The following CHSY3 variants were observed in gnomAD, a reference collection of about 807,000 sequenced individuals.
CHSY3 encodes chondroitin sulfate synthase 3, also known as N-acetylgalactosaminyl-proteoglycan 3-beta-glucuronosyltransferase 3.
Under a neutral mutation model 67.2 loss-of-function variants are expected in CHSY3, and 35 were observed. The ratio of observed to expected loss-of-function variants is 0.52; its 90% CI spans 0.40 to 0.69. The LOEUF is 0.69. Among genes scored for constraint, CHSY3 ranks in the 30% least tolerant of loss-of-function variants. CHSY3 has a pLI of 0.00. For missense variants in CHSY3, 1,069 were observed against 1,138.5 expected, an observed-to-expected ratio of 0.94 and a Z score of 0.88; for synonymous variants, 474 against 434.7, an observed-to-expected ratio of 1.09 and a Z score of -1.12.
intron 2 of CHSY3, among the ~76,000 whole-genome samples, chr5:130,069,507 A>T (rs1464913728): frequency 1.3e-5 from 2 of 151,942 alleles, no homozygotes; most frequent in African/African-American, 2.4e-5. Context: ...ATATATTTTT[A>T]AAATAAATAA....
chr5:130,154,911 G>A (rs1769328476), intron 2 of CHSY3, among the ~76,000 whole-genome samples: 1 of 152,154 alleles, frequency 6.6e-6, no homozygotes, highest in Non-Finnish European at 1.5e-5. Context: ...AGATCACCTG[G>A]GGATTTTGTT....
At chr5:130,001,444 C>A in intron 2 of CHSY3, 1 of 863,322 alleles carries the variant, frequency 1.2e-6, no homozygotes, top group Non-Finnish European at 1.4e-6. Context: ...GAAGGTATCA[C>A]CATGGACACA....
intron 2 of CHSY3, among the ~76,000 whole-genome samples, chr5:130,100,006 G>A (rs1447235671): frequency 6.6e-6 from 1 of 151,956 alleles, no homozygotes; most frequent in Non-Finnish European, 1.5e-5. Context: ...AAAAAAAATA[G>A]AGGAAGTTTT....
intron 2 of CHSY3, among the ~76,000 whole-genome samples, chr5:130,083,580 T>C (rs1313657880): frequency 6.6e-6 from 1 of 152,084 alleles, no homozygotes; most frequent in Non-Finnish European, 1.5e-5. Context: ...ACATCCAATT[T>C]ATCTGACATT....
intron 2 of CHSY3, among the ~76,000 whole-genome samples, chr5:129,934,592 G>C (rs1330005021): frequency 6.6e-6 from 1 of 152,136 alleles, no homozygotes; most frequent in African/African-American, 2.4e-5. Flanking sequence ...AGTAAGTCTG[G>C]ATTTGAAAAG....
At chr5:130,055,588 T>C (rs1765504326) in intron 2 of CHSY3, among the ~76,000 whole-genome samples, 1 of 152,124 alleles carries the variant, frequency 6.6e-6, no homozygotes, top group Admixed American at 6.5e-5. Flanking sequence ...AATCAAATCA[T>C]TTCATGATGG....
At chr5:130,074,149 C>T (rs1437033165) in intron 2 of CHSY3, among the ~76,000 whole-genome samples, 1 of 152,174 alleles carries the variant, frequency 6.6e-6, no homozygotes, top group Non-Finnish European at 1.5e-5. Context: ...CAGCTCACTA[C>T]AACCTCCTCC....
intron 2 of CHSY3, among the ~76,000 whole-genome samples, chr5:129,979,199 CAAAAAAAAAAAAAAAA>C (rs58584381): frequency 3.2e-5 from 2 of 62,526 alleles, no homozygotes; most frequent in South Asian, 1.7e-3. Flanking sequence ...GACTCCGTCT[CAAAAAAAAAAAAAAAA>C]AAAAAAAAAA....
At chr5:130,157,383 G>C (rs1448681436) in intron 2 of CHSY3, among the ~76,000 whole-genome samples, 1 of 152,188 alleles carries the variant, frequency 6.6e-6, no homozygotes, top group Non-Finnish European at 1.5e-5. Flanking sequence ...AGAGAGACTA[G>C]GGTGCTAATA....
Position 130,023,934 on chromosome 5 carries a change from T to G in CHSY3, c.1086+115574T>G, listed in dbSNP as rs1764464899. On this transcript the variant is annotated intron_variant, in intron 2 of 2. Transcript: ENST00000305031. Reference sequence around the variant, plus strand: ...GACCATTCCCCGCCCCCCCAATAGCTCTTCAAAGGGAAATACAAGCTTTTT... The same window carrying G: ...GACCATTCCCCGCCCCCCCAATAGCGCTTCAAAGGGAAATACAAGCTTTTT... Among the ~76,000 whole-genome samples the G allele has an allele frequency of 2.0e-5, 3 of 151,586 alleles. No homozygotes were observed. The South Asian group carries it at 6.3e-4, about 32-fold the overall frequency.
At chr5:130,117,798 G>T (rs974961149) in intron 2 of CHSY3, among the ~76,000 whole-genome samples, 6 of 152,066 alleles carry the variant, frequency 3.9e-5, no homozygotes, top group African/African-American at 1.4e-4. Context: ...TTTTCTTGAT[G>T]CTCAGAATAA....
At chr5:130,007,856 C>T (rs1174405551) in intron 2 of CHSY3, among the ~76,000 whole-genome samples, 2 of 152,142 alleles carry the variant, frequency 1.3e-5, no homozygotes, top group Non-Finnish European at 2.9e-5. Flanking sequence ...CCTTGTCTGC[C>T]AGCCTCTCTC....
intron 2 of CHSY3, among the ~76,000 whole-genome samples, chr5:129,995,438 A>C (rs899326765): frequency 3.0e-4 from 45 of 151,966 alleles, no homozygotes; most frequent in African/African-American, 1.1e-3. Flanking sequence ...GTTTTAATAA[A>C]GTCTAATTCG....
intron 2 of CHSY3, among the ~76,000 whole-genome samples, chr5:130,180,940 A>G (rs1009741923): frequency 6.6e-6 from 1 of 152,214 alleles, no homozygotes; most frequent in Non-Finnish European, 1.5e-5. Context: ...TAATAATTCT[A>G]AGAAAGGTAA....
intron 2 of CHSY3, among the ~76,000 whole-genome samples, chr5:130,179,964 C>T (rs1770196940): frequency 6.6e-6 from 1 of 152,134 alleles, no homozygotes; most frequent in African/African-American, 2.4e-5. Context: ...GTGTTTAATT[C>T]TTTCTGTACC....
intron 2 of CHSY3, among the ~76,000 whole-genome samples, chr5:130,015,683 T>A (rs1764199573): frequency 6.6e-6 from 1 of 152,186 alleles, no homozygotes; most frequent in African/African-American, 2.4e-5. Context: ...TTTTAAAGAT[T>A]CTTGAAAGAT....
chr5:130,025,155 C>T (rs1764504812), intron 2 of CHSY3, among the ~76,000 whole-genome samples: 1 of 152,058 alleles, frequency 6.6e-6, no homozygotes, highest in Non-Finnish European at 1.5e-5. Context: ...GAACATCTCT[C>T]AGGCTGGTCA....
At chr5:129,996,659 C>T (rs183861339) in intron 2 of CHSY3, among the ~76,000 whole-genome samples, 38 of 152,080 alleles carry the variant, frequency 2.5e-4, no homozygotes, top group Non-Finnish European at 4.6e-4. Context: ...AGGACAAGGC[C>T]TTCTAAATCA....
chr5:129,958,540 G>A (rs1762242668), intron 2 of CHSY3, among the ~76,000 whole-genome samples: 3 of 152,098 alleles, frequency 2.0e-5, no homozygotes, highest in South Asian at 4.2e-4. Context: ...TGTAACTTTT[G>A]TACAGAGCAA....
Sources: allele counts gnomAD v4.1 joint callset (sites outside exome capture counted in the v4.1 genomes callset), GRCh38; gene constraint gnomAD v4.1.1; transcripts MANE v1.5; gene names NCBI Gene and HGNC (gene_info 2026-07-23, HGNC 2026-07-21).